The following ZDHHC14 variants were observed in gnomAD, a reference collection of about 807,000 sequenced individuals.
ZDHHC14 encodes the protein palmitoyltransferase ZDHHC14.
A neutral mutation model predicts 47.7 loss-of-function variants in ZDHHC14; 16 were observed. The observed-to-expected ratio is 0.34, with a 90% CI of 0.23 to 0.51. The LOEUF (loss-of-function observed/expected upper bound fraction) is 0.51. ZDHHC14 is among the 20% of genes least tolerant of loss of function. The pLI is 0.97. For missense variants in ZDHHC14, 515 were observed against 662.5 expected (o/e 0.78, Z 2.44); for synonymous variants, 293 against 278.9 (o/e 1.05, Z -0.50).
At chr6:157,653,417 G>A in intron 7 of ZDHHC14, 108 bp from the exon 8 acceptor site, 1 of 1,096,200 alleles carries the variant, frequency 9.1e-7, no homozygotes, top group East Asian at 2.5e-5. Context: ...TGCCTGAGGT[G>A]GGCCTGTCAC....
At chr6:157,430,454 T>C in intron 1 of ZDHHC14, among the ~76,000 whole-genome samples, 1 of 152,218 alleles carries the variant, frequency 6.6e-6, no homozygotes, top group Non-Finnish European at 1.5e-5. Flanking sequence ...ACCTGTTTTC[T>C]TGCCTTTTTC....
At chr6:157,630,971 TACCCACACTC>T (rs1785694842) in intron 4 of ZDHHC14, 1 of 116,420 alleles carries the variant, frequency 8.6e-6, no homozygotes, top group African/African-American at 3.2e-5. Flanking sequence ...CACACACCCT[TACCCACACTC>T]ACACACACCC....
intron 1 of ZDHHC14, among the ~76,000 whole-genome samples, chr6:157,471,190 T>C (rs144228060): frequency 6.6e-6 from 1 of 152,204 alleles, no homozygotes; most frequent in East Asian, 1.9e-4. Context: ...CCCAGGACTT[T>C]GATTTGATGG....
chr6:157,520,072 G>T (rs917647929), intron 1 of ZDHHC14, among the ~76,000 whole-genome samples: 2 of 152,194 alleles, frequency 1.3e-5, no homozygotes, highest in East Asian at 1.9e-4. Flanking sequence ...TGATCCCAGG[G>T]TGCCCCCCAG....
chr6:157,571,222 A>G (rs1313485251), intron 2 of ZDHHC14, among the ~76,000 whole-genome samples: 1 of 152,238 alleles, frequency 6.6e-6, no homozygotes, highest in Non-Finnish European at 1.5e-5. Context: ...TGTGCACGAG[A>G]GCATTCCTTG....
intron 3 of ZDHHC14, among the ~76,000 whole-genome samples, chr6:157,601,871 G>A (rs1583002821): frequency 6.6e-6 from 1 of 152,204 alleles, no homozygotes; most frequent in Admixed American, 6.5e-5. Context: ...ATTCTTGGTA[G>A]GCAGCGTCTT....
At chr6:157,562,502 G>C (rs1201188331) in intron 2 of ZDHHC14, among the ~76,000 whole-genome samples, 1 of 152,186 alleles carries the variant, frequency 6.6e-6, no homozygotes, top group Non-Finnish European at 1.5e-5. Context: ...GATTCTCTAG[G>C]CAGATTTGGG....
chr6:157,515,978 C>T lies in ZDHHC14; in HGVS notation c.246-26607C>T, dbSNP rs943466529. Among the ~76,000 whole-genome samples the T allele has an allele frequency of 2.0e-5, 3 of 152,160 alleles. No homozygotes were observed. In the East Asian group the frequency reaches 5.8e-4, roughly 29 times the overall value. ...AGACTAACGTAGCAAGCAGGCAAGGCGTGAAATAGAACACTACCAGGACCC... is the reference window on the plus strand; with the variant it reads ...AGACTAACGTAGCAAGCAGGCAAGGTGTGAAATAGAACACTACCAGGACCC... On this transcript the variant is annotated intron_variant, in intron 1 of 8. Coordinates refer to ENST00000359775, the MANE Select transcript of ZDHHC14 (RefSeq NM_024630.3).
chr6:157,528,128 C>T (rs1224845444), intron 1 of ZDHHC14, among the ~76,000 whole-genome samples: 3 of 152,142 alleles, frequency 2.0e-5, no homozygotes, highest in African/African-American at 2.4e-5. Context: ...GTTTCTCCAC[C>T]GTATTCTTTA....
chr6:157,520,576 A>G (rs150212045), intron 1 of ZDHHC14, among the ~76,000 whole-genome samples: 1,603 of 152,346 alleles, frequency 0.011, 18 homozygotes, highest in Non-Finnish European at 0.018. Context: ...GTTTAATACC[A>G]TCTAACTGGC....
At position 157,513,188 on chromosome 6, in the gene ZDHHC14, A is replaced by G. The variant is rs563642510; in HGVS notation, c.246-29397A>G. ...TTCGTGACGTCTCGCTGTTGAGCAG[A>G]TTGCTCTTAATAGCTTACTGTTCTC... On this transcript the variant is annotated intron_variant, in intron 1 of 8. Transcript: ENST00000359775. 1.2e-3 allele frequency among the ~76,000 whole-genome samples: 185 copies of G among 152,338 alleles called. 1 individual carries two copies. The highest frequency in any genetic ancestry group is 4.2e-3 in the African/African-American group (174 of 41,574).
intron 1 of ZDHHC14, among the ~76,000 whole-genome samples, chr6:157,458,509 T>C (rs1778982870): frequency 6.6e-6 from 1 of 152,156 alleles, no homozygotes; most frequent in Non-Finnish European, 1.5e-5. Context: ...AAAATGTCAA[T>C]TCAAAAAATT....
intron 3 of ZDHHC14, among the ~76,000 whole-genome samples, chr6:157,614,796 A>G (rs1224064305): frequency 6.7e-6 from 1 of 150,112 alleles, no homozygotes; most frequent in African/African-American, 2.5e-5. Flanking sequence ...TTTGAGACAG[A>G]GTCTCACTGT....
chr6:157,508,652 A>G (rs913095846), intron 1 of ZDHHC14, among the ~76,000 whole-genome samples: 1 of 152,186 alleles, frequency 6.6e-6, no homozygotes, highest in Middle Eastern at 3.2e-3. Flanking sequence ...TGCTGGGATT[A>G]AAGGTGTGAG....
chr6:157,638,765 G>T (rs1777104098), intron 5 of ZDHHC14, among the ~76,000 whole-genome samples: 1 of 152,254 alleles, frequency 6.6e-6, no homozygotes, highest in South Asian at 2.1e-4. Flanking sequence ...TGCAGAATAA[G>T]GGTTGGGTGC....
chr6:157,443,154 G>C (rs866242727), intron 1 of ZDHHC14, among the ~76,000 whole-genome samples: 1 of 152,258 alleles, frequency 6.6e-6, no homozygotes, highest in Non-Finnish European at 1.5e-5. Flanking sequence ...GTTCTCAGGA[G>C]ATCTTATGGT....
intron 2 of ZDHHC14, among the ~76,000 whole-genome samples, chr6:157,571,360 G>A (rs1407452241): frequency 6.6e-6 from 1 of 152,110 alleles, no homozygotes; most frequent in Admixed American, 6.5e-5. Flanking sequence ...AGACATGTTG[G>A]GTGTCCCCAT....
chr6:157,657,326 G>T (rs563615552), intron 8 of ZDHHC14, among the ~76,000 whole-genome samples: 1 of 152,180 alleles, frequency 6.6e-6, no homozygotes, highest in Non-Finnish European at 1.5e-5. Context: ...GAGATTACAA[G>T]TGTAAGCCAC....
intron 2 of ZDHHC14, among the ~76,000 whole-genome samples, chr6:157,584,400 G>A (rs568405904): frequency 6.6e-6 from 1 of 152,316 alleles, no homozygotes; most frequent in Non-Finnish European, 1.5e-5. Context: ...GCAATGGTAG[G>A]AAAGAATCTT....
Sources: gnomAD v4.1 joint callset for allele counts (sites outside exome capture counted in the v4.1 genomes callset) on GRCh38, gnomAD v4.1.1 for gene constraint, MANE v1.5 for transcripts, NCBI Gene and HGNC (gene_info 2026-07-23, HGNC 2026-07-21) for gene names.